The following UTP23 variants were observed in gnomAD, a reference collection of about 807,000 sequenced individuals.
The protein encoded by UTP23 is UTP23 small subunit processome component, also known as rRNA-processing protein UTP23 homolog.
A neutral mutation model predicts 19.8 loss-of-function variants in UTP23; 10 were observed. That is an observed-to-expected ratio of 0.50 (90% CI 0.31 to 0.86). UTP23 has a LOEUF of 0.86. Ranked by LOEUF, UTP23 falls within the 40% of genes least tolerant of loss-of-function variation. The probability of loss-of-function intolerance (pLI) is 0.05; values close to 1 mark genes in which losing one functional copy is unlikely to be tolerated. For synonymous variants in UTP23, 108 were observed against 105.4 expected (o/e 1.02, Z -0.15); for missense variants, 282 against 293.1 (o/e 0.96, Z 0.28).
At chr8:116,770,124 A>T in intron 1 of UTP23, 68 bp from the exon 2 acceptor site, 31 of 1,395,316 alleles carry the variant, frequency 2.2e-5, no homozygotes, top group Non-Finnish European at 2.9e-5. Flanking sequence ...TTTAAGAAAA[A>T]ATCGACTATT....
chr8:116,774,299 A>G lies in UTP23; in HGVS notation c.*2457A>G. ...TACTTCTTATCCCTGCAAGTATATAAATTAAAACCAAGTCACTTTAGAACA... is the reference window on the plus strand; with the variant it reads ...TACTTCTTATCCCTGCAAGTATATAGATTAAAACCAAGTCACTTTAGAACA... On this transcript the variant is annotated 3_prime_UTR_variant, in exon 3 of 3. Transcript: ENST00000309822. 2.0e-6 allele frequency: 2 copies of G among 985,374 alleles called. No individual in the cohort carries two copies. The highest frequency in any genetic ancestry group is 4.7e-5 in the South Asian group (1 of 21,290). The allele number at this position is 985,374 out of a possible 1,614,324, so 61.0% of individuals were successfully genotyped here.
Position 116,771,489 on chromosome 8 carries a change from C to T in UTP23, c.397C>T (p.Pro133Ser). Residue 133 changes from proline (P) to serine (S), a missense_variant, in exon 3 of 3, where the codon CCT becomes TCT. By Grantham distance (74) the Pro-to-Ser change is moderately conservative (BLOSUM62 -1). Transcript: ENST00000309822. ...QNLSVKVKKK[P>S]GVPLMFIIQN... ...TTTGTCTGTGAAAGTAAAAAAGAAG[C>T]CTGGAGTTCCTCTCATGTTTATTAT... 4 of 1,506,442 alleles carry T rather than the reference C, an allele frequency of 2.7e-6. No individual in the cohort carries two copies. The highest frequency in any genetic ancestry group is 3.5e-6 in the Non-Finnish European group (4 of 1,130,880). The allele number at this position is 1,506,442 out of a possible 1,614,324, so 93.3% of individuals were successfully genotyped here.
At position 116,772,729 on chromosome 8, in the gene UTP23, G is replaced by A. The variant is rs181596389; in HGVS notation, c.*887G>A. The A allele has an allele frequency of 3.0e-6, 3 of 985,198 alleles. No homozygotes were observed. The highest frequency in any genetic ancestry group is 3.6e-6 in the Non-Finnish European group (3 of 829,728). The allele number at this position is 985,198 out of a possible 1,614,324, so 61.0% of individuals were successfully genotyped here. A position where few individuals can be genotyped will look rare whatever the true frequency, so the allele number is the denominator to read the frequency against. ...ATTCTCTTTGAGATTGACTGTGAAT[G>A]TTATTGAAAAGTGTCTAAATTAGTC... is the stretch of plus-strand genomic sequence containing the variant. On this transcript the variant is annotated 3_prime_UTR_variant, in exon 3 of 3. Coordinates refer to ENST00000309822, the MANE Select transcript of UTP23 (RefSeq NM_032334.3).
At position 116,773,136 on chromosome 8, in the gene UTP23, G is replaced by T. The variant is rs1815681105; in HGVS notation, c.*1294G>T. On this transcript the variant is annotated 3_prime_UTR_variant, in exon 3 of 3. Coordinates refer to ENST00000309822, the MANE Select transcript of UTP23 (RefSeq NM_032334.3). ...CAAGGAGTGACACGTAGACTAATCT[G>T]GCAAGCCAAGGTAGTGTTTGGATTG... 10 of 985,250 alleles carry T rather than the reference G, an allele frequency of 1.0e-5. No individual in the cohort carries two copies. Among genetic ancestry groups the T allele is most frequent in the African/African-American group, 1.7e-5 (1 of 57,214 alleles). 61.0% of individuals were successfully genotyped at this position (985,250 alleles called of 1,614,324 possible).
At chr8:116,771,433 T>C in intron 2 of UTP23, 23 bp from the exon 3 acceptor site, 1 of 1,417,498 alleles carries the variant, frequency 7.1e-7, no homozygotes, top group Non-Finnish European at 9.2e-7. Context: ...TTGAACTAAA[T>C]AATTCTGTTT....
Position 116,772,967 on chromosome 8 carries a change from C to G in UTP23, c.*1125C>G. On this transcript the variant is annotated 3_prime_UTR_variant, in exon 3 of 3. Transcript: ENST00000309822. The stretch of plus-strand genomic sequence containing the variant: ...CCACACTAGAGCAGTGATTCTCAGT[C>G]TAACATTAGGTTATCATGATGACGT... The G allele has an allele frequency of 5.1e-6, 5 of 985,362 alleles. No individual in the cohort carries two copies. The highest frequency in any genetic ancestry group is 6.0e-6 in the Non-Finnish European group (5 of 829,900). 61.0% of individuals were successfully genotyped at this position (985,362 alleles called of 1,614,324 possible).
At position 116,774,490 on chromosome 8, in the gene UTP23, A is replaced by G. The variant is rs1168519205; in HGVS notation, c.*2648A>G. The G allele has an allele frequency of 4.4e-6, 4 of 905,000 alleles. No individual in the cohort carries two copies. The highest frequency in any genetic ancestry group is 2.4e-4 in the East Asian group (2 of 8,470). The allele number at this position is 905,000 out of a possible 1,614,324, so 56.1% of individuals were successfully genotyped here. A position where few individuals can be genotyped will look rare whatever the true frequency, so the allele number is the denominator to read the frequency against. On this transcript the variant is annotated 3_prime_UTR_variant, in exon 3 of 3. Transcript: ENST00000309822. ...TTTAAAAAATGTTTGCTTACTATCT[A>G]TATATATGACATTATTCCCAATTAG...
In UTP23 at chr8:116,766,762, C is replaced by T. The variant is rs1164364934; in HGVS notation, c.159C>T (p.Leu53=). The part of the protein sequence containing the change: ...IQLREQLPRY[L]MGETQLCTTR... The stretch of plus-strand genomic sequence containing the variant: ...TGCGGGAGCAGCTGCCCCGCTACCT[C>T]ATGGGGGAGACGCAGCTGTGCACCA... The change falls in exon 1 of 3, where the codon CTC becomes CTT. Residue 53 remains leucine, a synonymous_variant. Transcript: ENST00000309822. 6.3e-7 allele frequency: 1 copy of T among 1,585,168 alleles called. No individual in the cohort carries two copies. Among genetic ancestry groups the T allele is most frequent in the Non-Finnish European group, 8.6e-7 (1 of 1,165,644 alleles).
rs1815580938 is a variant in UTP23, at chr8:116,766,652, C to T, written c.49C>T (p.Arg17Cys). The change falls in exon 1 of 3, where the codon CGC (arginine) becomes TGC (cysteine). Residue 17 changes from arginine to cysteine, a missense_variant. Coordinates refer to ENST00000309822, the MANE Select transcript of UTP23 (RefSeq NM_032334.3). Reference protein sequence around the residue: ...KHAKKHLGFFRNNFGVREPYQ... With the variant: ...KHAKKHLGFFCNNFGVREPYQ... ...TGCCAAGAAGCATCTTGGCTTCTTC[C>T]GCAACAACTTCGGAGTCCGCGAGCC... The T allele has an allele frequency of 6.2e-7, 1 of 1,613,000 alleles. No homozygotes were observed. The highest frequency in any genetic ancestry group is 1.7e-5 in the Admixed American group (1 of 59,882).
chr8:116,774,240 T>C lies in UTP23; in HGVS notation c.*2398T>C. On this transcript the variant is annotated 3_prime_UTR_variant, in exon 3 of 3. Coordinates refer to ENST00000309822, the MANE Select transcript of UTP23 (RefSeq NM_032334.3). ...TGTTTGCAGTTGTGTATGGGCACGA[T>C]ACTGTATTCTTTACATTTTTATGGC... is the stretch of plus-strand genomic sequence containing the variant. 1.0e-6 allele frequency: 1 copy of C among 985,424 alleles called. No individual in the cohort carries two copies. The highest frequency in any genetic ancestry group is 1.2e-6 in the Non-Finnish European group (1 of 829,928). 61.0% of individuals were successfully genotyped at this position (985,424 alleles called of 1,614,324 possible). A position where few individuals can be genotyped will look rare whatever the true frequency, so the allele number is the denominator to read the frequency against.
chr8:116,771,762 A>G lies in UTP23; in HGVS notation c.670A>G (p.Lys224Glu). The change falls in exon 3 of 3, where the codon AAG becomes GAG. Residue 224 changes from lysine to glutamate, a missense_variant. Lys to Glu is a moderately conservative substitution (Grantham distance 56). Coordinates refer to ENST00000309822, the MANE Select transcript of UTP23 (RefSeq NM_032334.3). ...GGACACACAATCATCTGCTTCTGAAAAGAAAAGAAAAAGAAAAAGAATTCG... is the reference window on the plus strand; with the variant it reads ...GGACACACAATCATCTGCTTCTGAAGAGAAAAGAAAAAGAAAAAGAATTCG... ...APDTQSSASE[K>E]KRKRKRIRNR... The G allele has an allele frequency of 2.5e-6, 4 of 1,608,186 alleles. No individual in the cohort carries two copies. The South Asian group carries it at 3.4e-5, about 13-fold the overall frequency.
Position 116,766,760 on chromosome 8 carries a change from C to T in UTP23, c.157C>T (p.Leu53Phe), listed in dbSNP as rs773221209. The change falls in exon 1 of 3, where the codon CTC becomes TTC. Residue 53 changes from leucine to phenylalanine, a missense_variant. By Grantham distance (22) the Leu-to-Phe change is conservative (BLOSUM62 0). Transcript: ENST00000309822. Reference protein sequence around the residue: ...IQLREQLPRYLMGETQLCTTR... With the variant: ...IQLREQLPRYFMGETQLCTTR... ...GCTGCGGGAGCAGCTGCCCCGCTAC[C>T]TCATGGGGGAGACGCAGCTGTGCAC... The T allele has an allele frequency of 4.4e-6, 7 of 1,587,306 alleles. No homozygotes were observed. In the Admixed American group the frequency reaches 1.1e-4, roughly 25 times the overall value.
chr8:116,773,703 G>A lies in UTP23; in HGVS notation c.*1861G>A, dbSNP rs575196337. 2.1e-5 allele frequency: 6 copies of A among 280,034 alleles called. No individual in the cohort carries two copies. The South Asian group carries it at 6.9e-4, about 32-fold the overall frequency. The allele number at this position is 280,034 out of a possible 1,614,324, so 17.3% of individuals were successfully genotyped here. A position where few individuals can be genotyped will look rare whatever the true frequency, so the allele number is the denominator to read the frequency against. ...TGTGCGCCTGTAGTCCCAGCTACTC[G>A]GGAGGCTGAGGCAGGAGAATCGCTT... On this transcript the variant is annotated 3_prime_UTR_variant, in exon 3 of 3. Coordinates refer to ENST00000309822, the MANE Select transcript of UTP23 (RefSeq NM_032334.3).
In UTP23 at chr8:116,774,266, C is replaced by A; in HGVS notation, c.*2424C>A. 3.0e-6 allele frequency: 3 copies of A among 985,130 alleles called. No individual in the cohort carries two copies. Among genetic ancestry groups the A allele is most frequent in the Non-Finnish European group, 3.6e-6 (3 of 829,868 alleles). The allele number at this position is 985,130 out of a possible 1,614,324, so 61.0% of individuals were successfully genotyped here. ...ACTGTATTCTTTACATTTTTATGGC[C>A]CTACAGCTACTTCTTATCCCTGCAA... On this transcript the variant is annotated 3_prime_UTR_variant, in exon 3 of 3. Coordinates refer to ENST00000309822, the MANE Select transcript of UTP23 (RefSeq NM_032334.3).
rs1463696014 is a variant in UTP23 at position 116,770,194 on chromosome 8, G to A, written c.191G>A (p.Cys64Tyr). Reference sequence around the variant, plus strand: ...TCTGCTATAATTTTTCTTTTCAGATGTGTGTTAAAAGAGCTAGAAACATTG... The same window carrying A: ...TCTGCTATAATTTTTCTTTTCAGATATGTGTTAAAAGAGCTAGAAACATTG... The part of the protein sequence containing the change: ...MGETQLCTTR[C>Y]VLKELETLGK... The change falls in exon 2 of 3, where the codon TGT becomes TAT. Residue 64 changes from cysteine (C) to tyrosine (Y), a missense_variant and splice_region_variant. Coordinates refer to ENST00000309822, the MANE Select transcript of UTP23 (RefSeq NM_032334.3). The A allele has an allele frequency of 8.2e-6, 13 of 1,589,776 alleles. No individual in the cohort carries two copies. Among genetic ancestry groups the A allele is most frequent in the South Asian group, 1.1e-5 (1 of 88,322 alleles).
In UTP23 at chr8:116,773,483, T is replaced by C. The variant is rs1815685717; in HGVS notation, c.*1641T>C. 1 of 984,150 alleles carries C rather than the reference T, an allele frequency of 1.0e-6. No homozygotes were observed. Among genetic ancestry groups the C allele is most frequent in the Non-Finnish European group, 1.2e-6 (1 of 828,766 alleles). The allele number at this position is 984,150 out of a possible 1,614,324, so 61.0% of individuals were successfully genotyped here. ...AATCCACTTTTTTATGAAGCAGTAA[T>C]TATAGAAGTACTAAAAATTACAATG... On this transcript the variant is annotated 3_prime_UTR_variant, in exon 3 of 3. Coordinates refer to ENST00000309822, the MANE Select transcript of UTP23 (RefSeq NM_032334.3).
At chr8:116,767,001 T>A (rs1815591556) in intron 1 of UTP23, 1 of 503,370 alleles carries the variant, frequency 2.0e-6, no homozygotes, top group East Asian at 3.4e-5. Context: ...TCACGTGTCG[T>A]TAGCCTGGCG....
Position 116,771,983 on chromosome 8 carries a change from G to T in UTP23, c.*141G>T. 1 of 1,403,852 alleles carries T rather than the reference G, an allele frequency of 7.1e-7. No individual in the cohort carries two copies. The highest frequency in any genetic ancestry group is 2.6e-5 in the East Asian group (1 of 38,116). The allele number at this position is 1,403,852 out of a possible 1,614,324, so 87.0% of individuals were successfully genotyped here. A position where few individuals can be genotyped will look rare whatever the true frequency, so the allele number is the denominator to read the frequency against. On this transcript the variant is annotated 3_prime_UTR_variant, in exon 3 of 3. Transcript: ENST00000309822. ...AAATTAATTATAAAATAAAAACAGT[G>T]ACCAGTCTAGCCAGCATGGCAAAAC...
In UTP23 at chr8:116,772,565, G is replaced by T; in HGVS notation, c.*723G>T. On this transcript the variant is annotated 3_prime_UTR_variant, in exon 3 of 3. Transcript: ENST00000309822. The stretch of plus-strand genomic sequence containing the variant: ...CCAGTATATGAATATTTTACTCTTT[G>T]TACATCAGAAACTCAGTATTTTCAT... The T allele has an allele frequency of 1.0e-6, 1 of 984,914 alleles. No individual in the cohort carries two copies. The highest frequency in any genetic ancestry group is 4.7e-5 in the South Asian group (1 of 21,280). 61.0% of individuals were successfully genotyped at this position (984,914 alleles called of 1,614,324 possible).
Sources: gnomAD v4.1 joint callset for allele counts on GRCh38, gnomAD v4.1.1 for gene constraint, MANE v1.5 for transcripts, NCBI Gene and HGNC (gene_info 2026-07-23, HGNC 2026-07-21) for gene names.